PKD2L1: variants seen among roughly 807,000 people sequenced by gnomAD.
The protein encoded by PKD2L1 is polycystin 2 like 1, transient receptor potential cation channel.
PKD2L1 carries 77 observed loss-of-function variants against 93.0 expected under a neutral mutation model. That is an observed-to-expected ratio of 0.83 (90% confidence interval 0.69 to 1.00). The LOEUF (loss-of-function observed/expected upper bound fraction) is 1.00. Ranked by LOEUF, PKD2L1 falls within the 50% of genes least tolerant of loss-of-function variation. The pLI is 0.00. For synonymous variants in PKD2L1, 390 were observed against 388.0 expected, an observed-to-expected ratio of 1.01 and a Z score of -0.06; for missense variants, 977 against 990.9, an observed-to-expected ratio of 0.99 and a Z score of 0.19.
rs544063835 is a variant in PKD2L1 at position 100,326,743 on chromosome 10, A to G, written c.349+2468T>C. Among the ~76,000 whole-genome samples, 6 of 152,328 alleles carry G rather than the reference A, an allele frequency of 3.9e-5. No homozygotes were observed. The East Asian group carries it at 1.2e-3, about 29-fold the overall frequency. ...CCTATTGGATTGGGTAAGTACGATG[A>G]GGAAACTGAAATTCAAAGAAGTTAA... On this transcript the variant is annotated intron_variant, in intron 2 of 15. Coordinates refer to ENST00000318222, the MANE Select transcript of PKD2L1 (RefSeq NM_016112.3).
intron 2 of PKD2L1, among the ~76,000 whole-genome samples, chr10:100,323,300 G>A (rs547428454): frequency 6.6e-6 from 1 of 152,146 alleles, no homozygotes; most frequent in African/African-American, 2.4e-5. Context: ...ATGGAGTCTC[G>A]CTCTGTCGCC....
intron 2 of PKD2L1, among the ~76,000 whole-genome samples, chr10:100,325,680 G>A (rs985337598): frequency 6.6e-6 from 1 of 152,110 alleles, no homozygotes; most frequent in Non-Finnish European, 1.5e-5. Flanking sequence ...GAGGTTTTCC[G>A]AGGTTTAAAG....
In PKD2L1 at chr10:100,318,580, G is replaced by A. The variant is rs180730482; in HGVS notation, c.349+10631C>T. ...GTCACCCAGGTTGGAGTGCAGTGGCGTGATCTCGGCTCACTGCATGCTCCA... is the reference window on the plus strand; with the variant it reads ...GTCACCCAGGTTGGAGTGCAGTGGCATGATCTCGGCTCACTGCATGCTCCA... On this transcript the variant is annotated intron_variant, in intron 2 of 15. Coordinates refer to ENST00000318222, the MANE Select transcript of PKD2L1 (RefSeq NM_016112.3). Among the ~76,000 whole-genome samples the A allele has an allele frequency of 1.9e-3, 283 of 150,070 alleles. 1 individual carries two copies. Among genetic ancestry groups the A allele is most frequent in the African/African-American group, 5.4e-3 (221 of 40,674 alleles).
chr10:100,319,411 T>C (rs1283202154), intron 2 of PKD2L1, among the ~76,000 whole-genome samples: 1 of 152,254 alleles, frequency 6.6e-6, no homozygotes, highest in Non-Finnish European at 1.5e-5. Context: ...TCACACGCTC[T>C]TTCCATTATA....
chr10:100,296,304 G>C lies in PKD2L1; in HGVS notation c.1186-12C>G, dbSNP rs369888261. 1 of 1,553,090 alleles carries C rather than the reference G, an allele frequency of 6.4e-7. No homozygotes were observed. The highest frequency in any genetic ancestry group is 8.6e-7 in the Non-Finnish European group (1 of 1,156,278). The stretch of plus-strand genomic sequence containing the variant: ...GCCACAATGGAGAGCTGTCACACAG[G>C]GGTCATGGGGGTGTCAGAGAAGGCA... On this transcript the variant is annotated splice_polypyrimidine_tract_variant and intron_variant, in intron 6 of 15. Coordinates refer to ENST00000318222, the MANE Select transcript of PKD2L1 (RefSeq NM_016112.3).
intron 9 of PKD2L1, among the ~76,000 whole-genome samples, 166 bp from the exon 10 acceptor site, chr10:100,293,545 C>G (rs1282464175): frequency 1.3e-5 from 2 of 152,158 alleles, no homozygotes; most frequent in Non-Finnish European, 2.9e-5. Flanking sequence ...CAGAGCCCAG[C>G]CTTTCAGCAC....
intron 2 of PKD2L1, among the ~76,000 whole-genome samples, chr10:100,305,684 T>A (rs1336404455): frequency 6.6e-6 from 1 of 152,020 alleles, no homozygotes; most frequent in Non-Finnish European, 1.5e-5. Flanking sequence ...CAGAACTCAG[T>A]CTCTCTAATA....
intron 2 of PKD2L1, among the ~76,000 whole-genome samples, chr10:100,314,959 GA>G (rs1849034370): frequency 2.8e-5 from 1 of 35,478 alleles, no homozygotes; most frequent in Non-Finnish European, 5.7e-5. Flanking sequence ...AAGAAAGAAA[GA>G]AAGAAGGAAG....
chr10:100,315,030 G>T (rs1178410978), intron 2 of PKD2L1, among the ~76,000 whole-genome samples: 1 of 10,030 alleles, frequency 1.0e-4, no homozygotes, highest in Non-Finnish European at 1.7e-4. Context: ...GGAAGGGAAG[G>T]GAAGGGAAGG....
intron 2 of PKD2L1, among the ~76,000 whole-genome samples, chr10:100,316,424 G>A (rs1849103510): frequency 6.6e-6 from 1 of 152,184 alleles, no homozygotes; most frequent in South Asian, 2.1e-4. Flanking sequence ...TGCCTGCCTC[G>A]GCCTCCCAAA....
chr10:100,297,520 T>C lies in PKD2L1; in HGVS notation c.818A>G (p.Asp273Gly). 15 of 1,614,030 alleles carry C rather than the reference T, an allele frequency of 9.3e-6. No homozygotes were observed. The highest frequency in any genetic ancestry group is 1.3e-5 in the Non-Finnish European group (15 of 1,179,992). ...ACTACCCTGTCGGGATCCTGGAAGG[T>C]CCAGGTAGTAGCCACCTCCGCTGTA... ...TSYSGGGYYLDLPGSRQGSAE... is the reference protein window; with the variant it reads ...TSYSGGGYYLGLPGSRQGSAE... Residue 273 changes from aspartate to glycine, a missense_variant, in exon 5 of 16, where the codon GAC becomes GGC. Coordinates refer to ENST00000318222, the MANE Select transcript of PKD2L1 (RefSeq NM_016112.3).
intron 14 of PKD2L1, among the ~76,000 whole-genome samples, chr10:100,289,613 G>A (rs1295535837): frequency 1.3e-5 from 2 of 151,922 alleles, no homozygotes; most frequent in African/African-American, 4.8e-5. Flanking sequence ...ACCATGAAAG[G>A]GCACAGCAAG....
chr10:100,308,986 A>G (rs1416753797), intron 2 of PKD2L1, among the ~76,000 whole-genome samples: 1 of 152,232 alleles, frequency 6.6e-6, no homozygotes, highest in Non-Finnish European at 1.5e-5. Context: ...TGTAAAATGA[A>G]TAACAGTATC....
chr10:100,291,695 C>T (rs1848410555), intron 11 of PKD2L1, among the ~76,000 whole-genome samples: 1 of 152,128 alleles, frequency 6.6e-6, no homozygotes, highest in South Asian at 2.1e-4. Context: ...AACCTGCTAT[C>T]CCCCAGCTTC....
chr10:100,304,746 A>G (rs1328669829), intron 2 of PKD2L1, among the ~76,000 whole-genome samples: 1 of 152,096 alleles, frequency 6.6e-6, no homozygotes, highest in Admixed American at 6.5e-5. Context: ...TAGCCTCCCA[A>G]AGTGTTGGAA....
In PKD2L1 at chr10:100,297,009, A is replaced by G; in HGVS notation, c.1156T>C (p.Trp386Arg). ...IHRLRYLSSI[W>R]NILDLVVILL... Reference sequence around the variant, plus strand: ...ATGACCACCAGGTCCAGTATGTTCCAGATGCTGCTGAGGTAGCGAAGCCGG... The same window carrying G: ...ATGACCACCAGGTCCAGTATGTTCCGGATGCTGCTGAGGTAGCGAAGCCGG... The change falls in exon 6 of 16, where the codon TGG becomes CGG. Residue 386 changes from tryptophan (W) to arginine (R), a missense_variant. Coordinates refer to ENST00000318222, the MANE Select transcript of PKD2L1 (RefSeq NM_016112.3). The G allele has an allele frequency of 6.2e-7, 1 of 1,613,592 alleles. No individual in the cohort carries two copies. Among genetic ancestry groups the G allele is most frequent in the African/African-American group, 1.3e-5 (1 of 75,036 alleles).
intron 6 of PKD2L1, among the ~76,000 whole-genome samples, chr10:100,296,728 A>G (rs2032020892): frequency 6.6e-6 from 1 of 151,766 alleles, no homozygotes; most frequent in African/African-American, 2.4e-5. Flanking sequence ...GGAGCAGAAT[A>G]TAGTACACTA....
At chr10:100,301,924 C>T (rs539127781) in intron 2 of PKD2L1, among the ~76,000 whole-genome samples, 1 of 152,326 alleles carries the variant, frequency 6.6e-6, no homozygotes, top group African/African-American at 2.4e-5. Flanking sequence ...AACACTCCGC[C>T]TCCTGGATTC....
chr10:100,329,044 G>A (rs1178178449), intron 2 of PKD2L1, among the ~76,000 whole-genome samples, 167 bp downstream of exon 2: 1 of 152,198 alleles, frequency 6.6e-6, no homozygotes, highest in Non-Finnish European at 1.5e-5. Context: ...AAGCTGCAAA[G>A]GTAAATAGAT....
Sources: gnomAD v4.1 joint callset for allele counts (sites outside exome capture counted in the v4.1 genomes callset) on GRCh38, gnomAD v4.1.1 for gene constraint, MANE v1.5 for transcripts, NCBI Gene and HGNC (gene_info 2026-07-23, HGNC 2026-07-21) for gene names.